Variants in PCDH15 observed in about 807,000 individuals in gnomAD.
PCDH15 encodes protocadherin-15.
PCDH15 carries 129 observed loss-of-function variants against 178.5 expected under a neutral mutation model. The observed-to-expected ratio is 0.72, with a 90% confidence interval of 0.63 to 0.84. PCDH15 has a LOEUF of 0.84. Ranked by LOEUF, PCDH15 falls within the 40% of genes least tolerant of loss-of-function variation. PCDH15 has a pLI of 0.00. For synonymous variants in PCDH15, 800 were observed against 732.0 expected, an observed-to-expected ratio of 1.09 and a Z score of -1.50; for missense variants, 2,230 against 2,099.9, an observed-to-expected ratio of 1.06 and a Z score of -1.21.
At chr10:54,864,183 G>A (rs945174968) in intron 3 of PCDH15, among the ~76,000 whole-genome samples, 16 of 152,102 alleles carry the variant, frequency 1.1e-4, no homozygotes, top group African/African-American at 3.9e-4. Flanking sequence ...CATATATGGT[G>A]TAAACACATC....
intron 21 of PCDH15, among the ~76,000 whole-genome samples, chr10:53,970,433 C>A (rs528762317): frequency 6.6e-6 from 1 of 151,552 alleles, no homozygotes; most frequent in Non-Finnish European, 1.5e-5. Flanking sequence ...ACCTTCAGGT[C>A]TTCAGAGCAG....
chr10:53,828,644 A>G, intron 30 of PCDH15, 71 bp from the exon 31 acceptor site: 1 of 1,214,146 alleles, frequency 8.2e-7, no homozygotes, highest in Non-Finnish European at 1.2e-6. Flanking sequence ...ACATTTTAAC[A>G]TCTGATTTAT....
At position 54,181,062 on chromosome 10, in the gene PCDH15, T is replaced by C. The variant is rs1591002321; in HGVS notation, c.1590+2382A>G. Among the ~76,000 whole-genome samples, 3 of 152,344 alleles carry C rather than the reference T, an allele frequency of 2.0e-5. No homozygotes were observed. The South Asian group carries it at 6.2e-4, about 32-fold the overall frequency. ...TTACTTACACTTTGTAGTTCCCTGC[T>C]GGCTGTTTTTCTGTGTAAACTTACT... On this transcript the variant is annotated intron_variant, in intron 13 of 37. Coordinates refer to ENST00000644397, the MANE Select transcript of PCDH15 (RefSeq NM_001384140.1).
At chr10:53,950,828 A>C (rs1430994458) in intron 23 of PCDH15, among the ~76,000 whole-genome samples, 1 of 152,186 alleles carries the variant, frequency 6.6e-6, no homozygotes, top group Admixed American at 6.5e-5. Flanking sequence ...GAATTTAATG[A>C]CTCTGACATT....
intron 3 of PCDH15, among the ~76,000 whole-genome samples, chr10:54,848,256 G>A (rs201636922): frequency 4.6e-5 from 7 of 151,834 alleles, no homozygotes; most frequent in African/African-American, 9.7e-5. Flanking sequence ...GGTGGCAGAC[G>A]CCTGTAATCC....
At chr10:55,393,549 A>C (rs1338672056) in intron 2 of PCDH15, among the ~76,000 whole-genome samples, 1 of 152,192 alleles carries the variant, frequency 6.6e-6, no homozygotes, top group Non-Finnish European at 1.5e-5. Context: ...CCTAAGGTTA[A>C]GGAAACAAAA....
At chr10:54,106,516 A>G (rs1165268571) in intron 15 of PCDH15, among the ~76,000 whole-genome samples, 2 of 152,230 alleles carry the variant, frequency 1.3e-5, no homozygotes, top group African/African-American at 4.8e-5. Flanking sequence ...ATCCTATAGG[A>G]GTGAGTCTGG....
At chr10:54,028,172 A>C (rs1479707597) in intron 18 of PCDH15, among the ~76,000 whole-genome samples, 2 of 149,196 alleles carry the variant, frequency 1.3e-5, no homozygotes, top group Non-Finnish European at 3.0e-5. Context: ...ATGCAGCCAA[A>C]AAACACATGA....
At chr10:55,428,150 CAATT>C (rs1357495292) in intron 2 of PCDH15, among the ~76,000 whole-genome samples, 6 of 151,922 alleles carry the variant, frequency 3.9e-5, no homozygotes, top group Non-Finnish European at 8.8e-5. Flanking sequence ...TTGACCTAAT[CAATT>C]AGTGTTTGAC....
intron 9 of PCDH15, among the ~76,000 whole-genome samples, chr10:54,218,807 G>A (rs936555794): frequency 6.6e-6 from 1 of 152,058 alleles, no homozygotes. Context: ...AAAATTTATA[G>A]GAAACATGGG....
chr10:55,524,378 T>C (rs1025029728), intron 2 of PCDH15, among the ~76,000 whole-genome samples: 2 of 151,596 alleles, frequency 1.3e-5, no homozygotes, highest in African/African-American at 4.8e-5. Flanking sequence ...TGGCCACCAG[T>C]CTCTTGTAGC....
intron 18 of PCDH15, among the ~76,000 whole-genome samples, chr10:54,032,877 C>A (rs1414620277): frequency 6.6e-6 from 1 of 151,922 alleles, no homozygotes; most frequent in African/African-American, 2.4e-5. Flanking sequence ...GAAGGGGAAG[C>A]AGGCAACTTC....
Position 54,008,597 on chromosome 10 carries a change from T to A in PCDH15, c.2751+11595A>T, listed in dbSNP as rs563778184. 2.0e-5 allele frequency among the ~76,000 whole-genome samples: 3 copies of A among 152,246 alleles called. No homozygotes were observed. In the South Asian group the frequency reaches 6.2e-4, roughly 32 times the overall value. On this transcript the variant is annotated intron_variant, in intron 20 of 37. Coordinates refer to ENST00000644397, the MANE Select transcript of PCDH15 (RefSeq NM_001384140.1). ...TGAATCCAGAGCTGCCAAGTCAGAA[T>A]CTATGAGTGTTTACCATAACTGTCT...
intron 21 of PCDH15, among the ~76,000 whole-genome samples, chr10:53,987,044 T>G (rs1226875024): frequency 6.6e-6 from 1 of 152,082 alleles, no homozygotes; most frequent in Non-Finnish European, 1.5e-5. Flanking sequence ...CTATATAAAT[T>G]TGCATATGAG....
At chr10:55,353,991 A>C (rs1845008887) in intron 2 of PCDH15, among the ~76,000 whole-genome samples, 1 of 151,976 alleles carries the variant, frequency 6.6e-6, no homozygotes, top group Non-Finnish European at 1.5e-5. Flanking sequence ...TTTGATCTTC[A>C]TATTTCCTTG....
chr10:55,248,776 C>T (rs1240660238), intron 1 of PCDH15, among the ~76,000 whole-genome samples: 1 of 151,980 alleles, frequency 6.6e-6, no homozygotes, highest in Non-Finnish European at 1.5e-5. Context: ...AGGCTGGTCT[C>T]CAACTCCTGG....
chr10:55,009,250 A>ATGTGTG (rs5785109), intron 2 of PCDH15, among the ~76,000 whole-genome samples: 2,998 of 149,426 alleles, frequency 0.02, 101 homozygotes, highest in East Asian at 0.068. Flanking sequence ...GCACGCACAG[A>ATGTGTG]TGTGTGTGTG....
At chr10:53,976,001 C>T (rs931265129) in intron 21 of PCDH15, among the ~76,000 whole-genome samples, 1 of 152,130 alleles carries the variant, frequency 6.6e-6, no homozygotes, top group Non-Finnish European at 1.5e-5. Context: ...AGCGAGTATA[C>T]TAGCACCATT....
chr10:54,531,846 C>T (rs533778715), intron 2 of PCDH15, among the ~76,000 whole-genome samples: 1 of 152,086 alleles, frequency 6.6e-6, no homozygotes, highest in Non-Finnish European at 1.5e-5. Flanking sequence ...CCCTCCAAAT[C>T]GCATCCCAGT....
Sources: gnomAD v4.1 joint callset for allele counts (sites outside exome capture counted in the v4.1 genomes callset) on GRCh38, gnomAD v4.1.1 for gene constraint, MANE v1.5 for transcripts, NCBI Gene and HGNC (gene_info 2026-07-23, HGNC 2026-07-21) for gene names.